BUD13: variants seen among roughly 807,000 people sequenced by gnomAD.
The protein encoded by BUD13 is BUD13 spliceosome associated protein.
Under a neutral mutation model 62.5 loss-of-function variants are expected in BUD13, and 47 were observed. The observed-to-expected ratio is 0.75, with a 90% CI of 0.60 to 0.96. The LOEUF (loss-of-function observed/expected upper bound fraction) is 0.96, where lower values mean the gene tolerates loss of function less well. Ranked by LOEUF, BUD13 falls within the 40% of genes least tolerant of loss-of-function variation. The pLI, the probability that BUD13 is intolerant of heterozygous loss-of-function variation, is 0.00. For synonymous variants in BUD13, 293 were observed against 280.1 expected, an observed-to-expected ratio of 1.05 and a Z score of -0.46; for missense variants, 821 against 790.9, an observed-to-expected ratio of 1.04 and a Z score of -0.46.
intron 4 of BUD13, among the ~76,000 whole-genome samples, chr11:116,762,234 C>G (rs191487881): frequency 6.6e-6 from 1 of 152,152 alleles, no homozygotes; most frequent in East Asian, 1.9e-4. Context: ...CTAAGATGAC[C>G]CTGGCCACAA....
At chr11:116,760,563 G>T in intron 5 of BUD13, 172 bp downstream of exon 5, 2 of 647,260 alleles carry the variant, frequency 3.1e-6, no homozygotes, top group Middle Eastern at 4.3e-4. Flanking sequence ...TCTGGGATGG[G>T]TTATAGCCAG....
rs746812727 is a variant in BUD13, at chr11:116,760,931, T to A, written c.1058A>T (p.Asp353Val). The A allele has an allele frequency of 1.2e-6, 2 of 1,614,164 alleles. No homozygotes were observed. The highest frequency in any genetic ancestry group is 1.7e-5 in the Admixed American group (1 of 60,028). ...DSKGDCQKAT[D>V]SDLSSPRHKQ... is the part of the protein sequence containing the mutation. ...ATGCCGTGGAGAAGAAAGGTCTGAA[T>A]CAGTTGCTTTCTGGCAGTCACCTGG... The change falls in exon 5 of 10, where the codon GAT becomes GTT. Residue 353 changes from aspartate (D) to valine (V), a missense_variant. By Grantham distance (152) the Asp-to-Val change is radical. Around this residue, in one of 2 missense-constraint regions of BUD13, gnomAD observed 800 missense variants for 739.2 expected, o/e 1.08. Transcript: ENST00000260210.
In BUD13 at chr11:116,763,020, G is replaced by C. The variant is rs570246157; in HGVS notation, c.569C>G (p.Pro190Arg). 4 of 1,613,496 alleles carry C rather than the reference G, an allele frequency of 2.5e-6. No homozygotes were observed. In the African/African-American group the frequency reaches 5.3e-5, roughly 22 times the overall value. ...IRHDSSDTSP[P>R]RRARHDSPDP... ...TGGAGAATCATGACGGGCCCTCCTT[G>C]GGGGTGAAGTGTCTGAGGAGTCATG... The change falls in exon 4 of 10, where the codon CCA becomes CGA. Residue 190 changes from proline to arginine, a missense_variant. Pro to Arg is a moderately radical substitution (Grantham distance 103, BLOSUM62 -2). Around this residue, in one of 2 missense-constraint regions of BUD13, gnomAD observed 800 missense variants for 739.2 expected, o/e 1.08. Coordinates refer to ENST00000260210, the MANE Select transcript of BUD13 (RefSeq NM_032725.4).
chr11:116,748,441 C>A lies in BUD13; in HGVS notation c.*41G>T, dbSNP rs773273868. On this transcript the variant is annotated 3_prime_UTR_variant, in exon 10 of 10. Transcript: ENST00000260210. ...ACCACTGGATATCTCGCTGCCTATG[C>A]CCACTACCACAGCCCAGCCACCCCC... 5 of 1,564,554 alleles carry A rather than the reference C, an allele frequency of 3.2e-6. No individual in the cohort carries two copies. The South Asian group carries it at 5.6e-5, about 17-fold the overall frequency.
rs748084744 is a variant in BUD13, at chr11:116,758,289, C to T, written c.1479G>A (p.Leu493=). Residue 493 remains leucine, a synonymous_variant, in exon 7 of 10, where the codon CTG becomes CTA. Coordinates refer to ENST00000260210, the MANE Select transcript of BUD13 (RefSeq NM_032725.4). ...CTTACCCTTTTCCCCACTGGGCATA[C>T]AGCTCATCTCTCTCTGAGTCCTTTT... ...KAEKDSERDE[L]YAQWGKGLAQ... 2.8e-5 allele frequency: 46 copies of T among 1,614,084 alleles called. No individual in the cohort carries two copies. The highest frequency in any genetic ancestry group is 5.0e-5 in the Admixed American group (3 of 60,000).
At chr11:116,771,037 C>T (rs892510468) in intron 1 of BUD13, among the ~76,000 whole-genome samples, 9 of 152,066 alleles carry the variant, frequency 5.9e-5, no homozygotes, top group Admixed American at 1.3e-4. Context: ...GCAAGCAATC[C>T]ACCCGCCTTG....
At position 116,758,314 on chromosome 11, in the gene BUD13, T is replaced by G; in HGVS notation, c.1454A>C (p.Glu485Ala). 6.2e-7 allele frequency: 1 copy of G among 1,614,242 alleles called. No individual in the cohort carries two copies. The highest frequency in any genetic ancestry group is 8.5e-7 in the Non-Finnish European group (1 of 1,180,052). The change falls in exon 7 of 10, where the codon GAA becomes GCA. Residue 485 changes from glutamate (E) to alanine (A), a missense_variant. Glu to Ala is a moderately radical substitution (Grantham distance 107). This residue lies in a region of BUD13 where 800 missense variants were observed against 739.2 expected (regional missense o/e 1.08). Transcript: ENST00000260210. Reference protein sequence around the residue: ...LERLEQRRKAEKDSERDELYA... With the variant: ...LERLEQRRKAAKDSERDELYA... Reference sequence around the variant, plus strand: ...CAGCTCATCTCTCTCTGAGTCCTTTTCTGCTTTCCTCCTTTGCTCTAAACG... The same window carrying G: ...CAGCTCATCTCTCTCTGAGTCCTTTGCTGCTTTCCTCCTTTGCTCTAAACG...
rs983791889 is a variant in BUD13 at position 116,758,322 on chromosome 11, C to T, written c.1446G>A (p.Arg482=). The T allele has an allele frequency of 1.9e-6, 3 of 1,614,214 alleles. No homozygotes were observed. Among genetic ancestry groups the T allele is most frequent in the Non-Finnish European group, 2.5e-6 (3 of 1,180,048 alleles). ...NLKLERLEQR[R]KAEKDSERDE... is the part of the protein sequence containing the mutation. ...CTCTCTCTGAGTCCTTTTCTGCTTTCCTCCTTTGCTCTAAACGTTCGAGTT... is the reference window on the plus strand; with the variant it reads ...CTCTCTCTGAGTCCTTTTCTGCTTTTCTCCTTTGCTCTAAACGTTCGAGTT... The change falls in exon 7 of 10, where the codon AGG becomes AGA. Residue 482 remains arginine, a synonymous_variant. Coordinates refer to ENST00000260210, the MANE Select transcript of BUD13 (RefSeq NM_032725.4).
intron 9 of BUD13, 57 bp downstream of exon 9, chr11:116,757,089 C>G: frequency 6.6e-7 from 1 of 1,511,478 alleles, no homozygotes; most frequent in Non-Finnish European, 9.2e-7. Flanking sequence ...GAGCAACTTA[C>G]GAGTGGTTAG....
intron 3 of BUD13, among the ~76,000 whole-genome samples, chr11:116,763,549 G>A (rs1048392726): frequency 6.6e-6 from 1 of 152,108 alleles, no homozygotes; most frequent in African/African-American, 2.4e-5. Context: ...TTGTATTACA[G>A]CATGAAAACA....
chr11:116,758,983 TAAAAGTTC>T, intron 6 of BUD13, 83 bp downstream of exon 6: 1 of 914,374 alleles, frequency 1.1e-6, no homozygotes, highest in South Asian at 1.6e-5. Context: ...TGATAGCAAT[TAAAAGTTC>T]AAAATATCAG....
At chr11:116,764,436 C>T (rs980942171) in intron 3 of BUD13, among the ~76,000 whole-genome samples, 6 of 152,042 alleles carry the variant, frequency 3.9e-5, no homozygotes, top group Non-Finnish European at 1.5e-5. Flanking sequence ...GATTGGTAAG[C>T]GTACTTCCAA....
chr11:116,761,648 A>G (rs1027386717), intron 4 of BUD13, among the ~76,000 whole-genome samples: 1 of 152,148 alleles, frequency 6.6e-6, no homozygotes, highest in African/African-American at 2.4e-5. Flanking sequence ...TAGTGTGGCA[A>G]AAGTCAGAAA....
In BUD13 at chr11:116,772,833, G is replaced by C; in HGVS notation, c.132C>G (p.Ala44=). Residue 44 remains alanine (A), a synonymous_variant, in exon 1 of 10, where the codon GCC becomes GCG. Transcript: ENST00000260210. ...CGGTACCAACTCACCCCTTGCCGCC[G>C]GCCCCGCCAGGCTTCGGCCGCTTTT... ...RRKKRPKPGG[A]GGKGMRIVDD... is the part of the protein sequence containing the mutation. 1 of 1,577,546 alleles carries C rather than the reference G, an allele frequency of 6.3e-7. No individual in the cohort carries two copies. The highest frequency in any genetic ancestry group is 1.1e-5 in the South Asian group (1 of 87,458).
chr11:116,748,980 C>CAAAAAAAA (rs58988682), intron 9 of BUD13, among the ~76,000 whole-genome samples: 73 of 86,654 alleles, frequency 8.4e-4, no homozygotes, highest in Non-Finnish European at 9.9e-4. Flanking sequence ...GACTCTGTCT[C>CAAAAAAAA]AAAAAAAAAA....
chr11:116,749,680 G>C (rs1325610864), intron 9 of BUD13, among the ~76,000 whole-genome samples: 1 of 152,208 alleles, frequency 6.6e-6, no homozygotes, highest in Non-Finnish European at 1.5e-5. Flanking sequence ...AATGCATAAT[G>C]AGCTGCGTAG....
chr11:116,760,954 T>C lies in BUD13; in HGVS notation c.1037-2A>G. ...AATCAGTTGCTTTCTGGCAGTCACC[T>C]GGATAGGAGCAAAGAATCTGTGTGA... On this transcript the variant is annotated splice_acceptor_variant, in intron 4 of 9. Transcript: ENST00000260210. LOFTEE classifies it high-confidence loss of function. The C allele has an allele frequency of 6.2e-7, 1 of 1,613,688 alleles. No individual in the cohort carries two copies. The highest frequency in any genetic ancestry group is 8.5e-7 in the Non-Finnish European group (1 of 1,179,660).
intron 2 of BUD13, among the ~76,000 whole-genome samples, chr11:116,766,913 T>C (rs1184950974): frequency 6.6e-6 from 1 of 152,100 alleles, no homozygotes; most frequent in East Asian, 1.9e-4. Context: ...AATGGCCAGG[T>C]GCGGTGGCTC....
At chr11:116,750,873 C>T (rs1003942056) in intron 9 of BUD13, among the ~76,000 whole-genome samples, 5 of 152,198 alleles carry the variant, frequency 3.3e-5, no homozygotes, top group Non-Finnish European at 2.9e-5. Flanking sequence ...ATCCATCTCA[C>T]GCTTTATGCT....
Sources: gnomAD v4.1 joint callset for allele counts (sites outside exome capture counted in the v4.1 genomes callset) on GRCh38, gnomAD v4.1.1 for gene constraint, gnomAD v4.1.1 regional missense constraint, MANE v1.5 for transcripts, NCBI Gene and HGNC (gene_info 2026-07-23, HGNC 2026-07-21) for gene names.